The following ZNF610 variants were observed in gnomAD, a reference collection of about 807,000 sequenced individuals.
ZNF610 encodes the protein zink finger protein.
Under a neutral mutation model 14.1 loss-of-function variants are expected in ZNF610, and 14 were observed. That is an observed-to-expected ratio of 0.99 (90% CI 0.65 to 1.55). The LOEUF (loss-of-function observed/expected upper bound fraction) is 1.55, where lower values mean the gene tolerates loss of function less well. Ranked by LOEUF, ZNF610 falls within the 40% of genes most tolerant of loss-of-function variation. The pLI is 0.00. For missense variants in ZNF610, 530 were observed against 558.0 expected, an observed-to-expected ratio of 0.95 and a Z score of 0.51; for synonymous variants, 185 against 187.6, an observed-to-expected ratio of 0.99 and a Z score of 0.11.
At chr19:52,331,064 C>G in the ZNF610 span, among the ~76,000 whole-genome samples, 1 of 152,146 alleles carries the variant, frequency 6.6e-6, no homozygotes, top group Non-Finnish European at 1.5e-5. Context: ...CAAATGCAGG[C>G]TGCACAGTGC....
chr19:52,337,537 G>C (rs1568643605), intron 1 of ZNF610, among the ~76,000 whole-genome samples: 1 of 151,624 alleles, frequency 6.6e-6, no homozygotes, highest in Non-Finnish European at 1.5e-5. Flanking sequence ...CAGCAGGAGA[G>C]GAGAGGGGCA....
Position 52,354,346 on chromosome 19 carries a change from G to C in ZNF610, c.286G>C (p.Asp96His), listed in dbSNP as rs759409003. 1 of 1,614,138 alleles carries C rather than the reference G, an allele frequency of 6.2e-7. No homozygotes were observed. Among genetic ancestry groups the C allele is most frequent in the East Asian group, 2.2e-5 (1 of 44,872 alleles). Residue 96 changes from aspartate to histidine, a missense_variant, in exon 5 of 6, where the codon GAT becomes CAT. Coordinates refer to ENST00000403906, the MANE Select transcript of ZNF610 (RefSeq NM_001161425.2). Reference protein sequence around the residue: ...QSQVKIVKNTDGRECVRSVNT... With the variant: ...QSQVKIVKNTHGRECVRSVNT... ...TCAAGTTAAAATAGTAAAAAATACA[G>C]ATGGAAGGGAATGTGTCAGAAGCGT...
rs142449242 is a variant in ZNF610, at chr19:52,354,562, A to C, written c.319+183A>C. On this transcript the variant is annotated intron_variant, in intron 5 of 5. Coordinates refer to ENST00000403906, the MANE Select transcript of ZNF610 (RefSeq NM_001161425.2). The stretch of plus-strand genomic sequence containing the variant: ...CAAAGTTGTAGATTATAGCCACTGC[A>C]CCTTGCAAAGCCATACTATTTTTTT... 3.9e-3 allele frequency among the ~76,000 whole-genome samples: 578 copies of C among 147,004 alleles called. 1 individual carries two copies. The highest frequency in any genetic ancestry group is 0.014 in the African/African-American group (553 of 39,780).
chr19:52,358,827 A>G (rs1985651528), intron 5 of ZNF610, among the ~76,000 whole-genome samples: 1 of 152,320 alleles, frequency 6.6e-6, no homozygotes, highest in South Asian at 2.1e-4. Flanking sequence ...TAATTTTTGC[A>G]TACGGTGTAA....
Position 52,349,242 on chromosome 19 carries a change from T to A in ZNF610, c.63+7T>A. ...AGGGATGGCTCTTCCTCAGGTAAAG[T>A]GATATTCTCGGTGGTTGGTTCTCTC... is the stretch of plus-strand genomic sequence containing the variant. On this transcript the variant is annotated splice_region_variant and intron_variant, in intron 3 of 5. Coordinates refer to ENST00000403906, the MANE Select transcript of ZNF610 (RefSeq NM_001161425.2). 2 of 1,612,532 alleles carry A rather than the reference T, an allele frequency of 1.2e-6. No homozygotes were observed. Among genetic ancestry groups the A allele is most frequent in the Non-Finnish European group, 1.7e-6 (2 of 1,179,672 alleles).
chr19:52,339,829 T>C (rs762035508), intron 1 of ZNF610, among the ~76,000 whole-genome samples: 15 of 152,188 alleles, frequency 9.9e-5, no homozygotes, highest in Non-Finnish European at 1.9e-4. Context: ...CTGGCTACTC[T>C]TGTATTTTTA....
At chr19:52,334,086 A>C (rs1984265580), upstream of ZNF610, among the ~76,000 whole-genome samples, 1 of 152,248 alleles carries the variant, frequency 6.6e-6, no homozygotes, top group African/African-American at 2.4e-5. Flanking sequence ...ATAAACTGTA[A>C]AACCCATACA....
intron 3 of ZNF610, among the ~76,000 whole-genome samples, chr19:52,352,380 A>G (rs1000405776): frequency 6.6e-6 from 1 of 152,038 alleles, no homozygotes; most frequent in African/African-American, 2.4e-5. Flanking sequence ...CTGGGATTAC[A>G]GGCATGTGCC....
At chr19:52,365,108 C>T (rs927255703) in intron 5 of ZNF610, among the ~76,000 whole-genome samples, 1 of 151,956 alleles carries the variant, frequency 6.6e-6, no homozygotes, top group Non-Finnish European at 1.5e-5. Flanking sequence ...ATTAGACGAA[C>T]GTGGTGGCGT....
At chr19:52,344,055 G>A (rs749198611) in intron 1 of ZNF610, 1 of 152,138 alleles carries the variant, frequency 6.6e-6, no homozygotes, top group Admixed American at 6.5e-5. Flanking sequence ...ATTTATGGGG[G>A]CTGCTAAGGG....
chr19:52,330,518 A>AT, the ZNF610 span: 1 of 152,174 alleles, frequency 6.6e-6, no homozygotes, highest in Non-Finnish European at 1.5e-5. Context: ...AGTCAAAAAT[A>AT]TTTTTTCTAA....
At position 52,367,080 on chromosome 19, in the gene ZNF610, ATACT is replaced by A. The variant is rs2122322046; in HGVS notation, c.*315_*318del. Reference sequence around the variant, plus strand: ...TGTAACTCTTTGATTTAGAATGTACATACTTCTCATGTTTTAAGTAATAAAGTTT... The same window carrying A: ...TGTAACTCTTTGATTTAGAATGTACATCTCATGTTTTAAGTAATAAAGTTT... On this transcript the variant is annotated 3_prime_UTR_variant, in exon 6 of 6. Coordinates refer to ENST00000403906, the MANE Select transcript of ZNF610 (RefSeq NM_001161425.2). 3.2e-6 allele frequency: 1 copy of A among 316,738 alleles called. No individual in the cohort carries two copies. The highest frequency in any genetic ancestry group is 5.4e-5 in the East Asian group (1 of 18,614). The allele number at this position is 316,738 out of a possible 1,614,324, so 19.6% of individuals were successfully genotyped here.
intron 1 of ZNF610, among the ~76,000 whole-genome samples, chr19:52,344,322 C>A (rs1204123861): frequency 6.6e-6 from 1 of 152,116 alleles, no homozygotes; most frequent in South Asian, 2.1e-4. Flanking sequence ...TTCTGTGACC[C>A]CCCCATAGCC....
chr19:52,349,103 G>C, intron 2 of ZNF610, 51 bp from the exon 3 acceptor site: 1 of 1,357,736 alleles, frequency 7.4e-7, no homozygotes. Context: ...GTGGCATAGG[G>C]AGGGGAATGT....
chr19:52,363,801 TTTG>T (rs1432158794), intron 5 of ZNF610, among the ~76,000 whole-genome samples: 2 of 152,336 alleles, frequency 1.3e-5, no homozygotes, highest in Admixed American at 1.3e-4. Context: ...TGGATCCTGT[TTTG>T]TTCTGATTCC....
chr19:52,339,072 C>G (rs564778896), intron 1 of ZNF610, among the ~76,000 whole-genome samples: 3 of 151,908 alleles, frequency 2.0e-5, no homozygotes, highest in Admixed American at 2.0e-4. Context: ...AATAAGGAAA[C>G]GTGCTGTGCC....
chr19:52,341,995 G>A (rs1419990024), intron 1 of ZNF610, among the ~76,000 whole-genome samples: 2 of 152,080 alleles, frequency 1.3e-5, no homozygotes, highest in African/African-American at 4.8e-5. Flanking sequence ...TTTTTATAGA[G>A]TTGGGGTCTT....
intron 3 of ZNF610, among the ~76,000 whole-genome samples, chr19:52,353,225 C>A (rs1173769127): frequency 2.0e-5 from 3 of 152,244 alleles, no homozygotes; most frequent in African/African-American, 7.2e-5. Flanking sequence ...CAGACGTGAG[C>A]CACTGCGCCC....
chr19:52,344,477 A>T (rs8100673), intron 1 of ZNF610, among the ~76,000 whole-genome samples: 6,227 of 152,182 alleles, frequency 0.041, 332 homozygotes, highest in African/African-American at 0.12. Flanking sequence ...GAAGGTGGGG[A>T]CTGTGCTGGC....
Sources: gnomAD v4.1 joint callset for allele counts (sites outside exome capture counted in the v4.1 genomes callset) on GRCh38, gnomAD v4.1.1 for gene constraint, MANE v1.5 for transcripts, NCBI Gene and HGNC (gene_info 2026-07-23, HGNC 2026-07-21) for gene names.